The following OR52K2 variants were observed in gnomAD, a reference collection of about 807,000 sequenced individuals.
OR52K2 encodes the protein olfactory receptor family 52 subfamily K member 2, also known as olfactory receptor 52K2.
In OR52K2, 10 loss-of-function variants were observed where a neutral mutation model predicts 11.4. The ratio of observed to expected loss-of-function variants is 0.88; its 90% CI spans 0.54 to 1.49. OR52K2 has a LOEUF of 1.49. Among genes scored for constraint, OR52K2 ranks in the 40% most tolerant of loss-of-function variants. The pLI, the probability that OR52K2 is intolerant of heterozygous loss-of-function variation, is 0.00. For synonymous variants in OR52K2, 199 were observed against 151.9 expected (o/e 1.31, Z -2.28); for missense variants, 465 against 393.3 (o/e 1.18, Z -1.54).
Position 4,449,898 on chromosome 11 carries a change from G to A in OR52K2, c.559G>A (p.Val187Met), listed in dbSNP as rs1846069463. Reference sequence around the variant, plus strand: ...CTGCTACTGTGAACACATGGCTGTGGTGAGGCTGGCGTGTGGGGACACTAG... The same window carrying A: ...CTGCTACTGTGAACACATGGCTGTGATGAGGCTGGCGTGTGGGGACACTAG... ...AHCYCEHMAVVRLACGDTSFN... is the reference protein window; with the variant it reads ...AHCYCEHMAVMRLACGDTSFN... Residue 187 changes from valine to methionine, a missense_variant, in exon 1 of 1, where the codon GTG becomes ATG. Val to Met is a conservative substitution (Grantham distance 21, BLOSUM62 1). Coordinates refer to ENST00000325719, the MANE Select transcript of OR52K2 (RefSeq NM_001005172.2). The A allele has an allele frequency of 6.2e-7, 1 of 1,614,178 alleles. No individual in the cohort carries two copies. Among genetic ancestry groups the A allele is most frequent in the Non-Finnish European group, 8.5e-7 (1 of 1,180,034 alleles).
At position 4,449,946 on chromosome 11, in the gene OR52K2, G is replaced by C. The variant is rs140780188; in HGVS notation, c.607G>C (p.Ala203Pro). 9.3e-6 allele frequency: 15 copies of C among 1,614,006 alleles called. No homozygotes were observed. The highest frequency in any genetic ancestry group is 1.2e-5 in the Non-Finnish European group (14 of 1,180,036). The stretch of plus-strand genomic sequence containing the variant: ...TAGCTTCAACAATATCTATGGCATC[G>C]CTGTGGCCATGTTTATTGTGGTGTT... ...DTSFNNIYGIAVAMFIVVLDL... is the reference protein window; with the variant it reads ...DTSFNNIYGIPVAMFIVVLDL... Residue 203 changes from alanine to proline, a missense_variant, in exon 1 of 1, where the codon GCT becomes CCT. Transcript: ENST00000325719.
rs765923313 is a variant in OR52K2 at position 4,449,614 on chromosome 11, G to A, written c.275G>A (p.Arg92Gln). Residue 92 changes from arginine to glutamine, a missense_variant, in exon 1 of 1, where the codon CGG becomes CAG. Arg to Gln is a conservative substitution (Grantham distance 43). Coordinates refer to ENST00000325719, the MANE Select transcript of OR52K2 (RefSeq NM_001005172.2). ...CTTGCCATATTCTGGTTCAGGGATCGGGAGATAAACTTCTTTGCCTGTCTG... is the reference window on the plus strand; with the variant it reads ...CTTGCCATATTCTGGTTCAGGGATCAGGAGATAAACTTCTTTGCCTGTCTG... ...KMLAIFWFRDREINFFACLAQ... is the reference protein window; with the variant it reads ...KMLAIFWFRDQEINFFACLAQ... The A allele has an allele frequency of 5.0e-5, 80 of 1,614,008 alleles. No individual in the cohort carries two copies. The highest frequency in any genetic ancestry group is 5.8e-5 in the Non-Finnish European group (69 of 1,180,012).
Position 4,449,638 on chromosome 11 carries a change from T to C in OR52K2, c.299T>C (p.Leu100Pro), listed in dbSNP as rs771426750. 23 of 1,614,098 alleles carry C rather than the reference T, an allele frequency of 1.4e-5. No individual in the cohort carries two copies. In the East Asian group the frequency reaches 4.2e-4, roughly 30 times the overall value. ...CGGGAGATAAACTTCTTTGCCTGTC[T>C]GGCCCAGATGTTCTTCCTTCACTCC... is the stretch of plus-strand genomic sequence containing the variant. ...RDREINFFAC[L>P]AQMFFLHSFS... The change falls in exon 1 of 1, where the codon CTG (leucine) becomes CCG (proline). Residue 100 changes from leucine to proline, a missense_variant. Coordinates refer to ENST00000325719, the MANE Select transcript of OR52K2 (RefSeq NM_001005172.2).
Position 4,450,073 on chromosome 11 carries a change from C to G in OR52K2, c.734C>G (p.Ser245Cys), listed in dbSNP as rs150935129. The G allele has an allele frequency of 1.2e-6, 2 of 1,614,122 alleles. No individual in the cohort carries two copies. The highest frequency in any genetic ancestry group is 1.7e-6 in the Non-Finnish European group (2 of 1,180,020). ...ARYKAFGTCVSHIGAILAFYT... is the reference protein window; with the variant it reads ...ARYKAFGTCVCHIGAILAFYT... ...TACAAGGCATTTGGGACATGTGTCT[C>G]TCATATAGGTGCCATCTTAGCCTTC... The change falls in exon 1 of 1, where the codon TCT becomes TGT. Residue 245 changes from serine (S) to cysteine (C), a missense_variant. Physicochemically the swap from Ser to Cys is moderately radical, Grantham distance 112 (BLOSUM62 -1). Transcript: ENST00000325719.
chr11:4,450,360 G>T lies in OR52K2; in HGVS notation c.*76G>T. The stretch of plus-strand genomic sequence containing the variant: ...AGGCTATGGTAGAATGTGCACGGCT[G>T]CCAGGATCTTCATGTTTAGTTTTTT... On this transcript the variant is annotated 3_prime_UTR_variant, in exon 1 of 1. Transcript: ENST00000325719. 6 of 1,027,582 alleles carry T rather than the reference G, an allele frequency of 5.8e-6. No individual in the cohort carries two copies. The highest frequency in any genetic ancestry group is 8.6e-6 in the Non-Finnish European group (6 of 696,398). 63.7% of individuals were successfully genotyped at this position (1,027,582 alleles called of 1,614,324 possible). A position where few individuals can be genotyped will look rare whatever the true frequency, so the allele number is the denominator to read the frequency against.
chr11:4,449,751 C>T lies in OR52K2; in HGVS notation c.412C>T (p.Leu138=). The T allele has an allele frequency of 6.2e-7, 1 of 1,614,180 alleles. No homozygotes were observed. Among genetic ancestry groups the T allele is most frequent in the Non-Finnish European group, 8.5e-7 (1 of 1,180,026 alleles). The change falls in exon 1 of 1, where the codon CTG becomes TTG. Residue 138 remains leucine (L), a synonymous_variant. Transcript: ENST00000325719. ...ICKPLHYTKV[L]TGSLITKIGM... is the part of the protein sequence containing the mutation. ...CAAGCCACTGCACTACACCAAGGTC[C>T]TGACTGGGTCCCTCATCACCAAGAT...
chr11:4,449,493 C>G lies in OR52K2; in HGVS notation c.154C>G (p.Gln52Glu), dbSNP rs773622546. The change falls in exon 1 of 1, where the codon CAG becomes GAG. Residue 52 changes from glutamine (Q) to glutamate (E), a missense_variant. Transcript: ENST00000325719. ...LGNCTLLLII[Q>E]ADAALHEPMY... ...AAACTGCACTCTCCTTCTCATCATCCAGGCTGATGCAGCCCTCCATGAACC... is the reference window on the plus strand; with the variant it reads ...AAACTGCACTCTCCTTCTCATCATCGAGGCTGATGCAGCCCTCCATGAACC... 3.7e-6 allele frequency: 6 copies of G among 1,612,086 alleles called. No homozygotes were observed. The East Asian group carries it at 1.3e-4, about 36-fold the overall frequency.
Position 4,449,468 on chromosome 11 carries a change from A to G in OR52K2, c.129A>G (p.Gly43=), listed in dbSNP as rs752591491. The G allele has an allele frequency of 6.2e-7, 1 of 1,607,130 alleles. No homozygotes were observed. The highest frequency in any genetic ancestry group is 1.3e-5 in the African/African-American group (1 of 74,900). ...TAGCATATACACTGGCCCTGCTTGG[A>G]AACTGCACTCTCCTTCTCATCATCC... is the stretch of plus-strand genomic sequence containing the variant. ...FCLAYTLALL[G]NCTLLLIIQA... is the part of the protein sequence containing the mutation. The change falls in exon 1 of 1, where the codon GGA becomes GGG. Residue 43 remains glycine (G), a synonymous_variant. Transcript: ENST00000325719.
At position 4,450,178 on chromosome 11, in the gene OR52K2, AT is replaced by A. The variant is rs1037437059; in HGVS notation, c.842del (p.Phe281SerfsTer12). ...CCTCATGTCCACATCCTCCTTGCCA[AT>A]TTCTATCTGCTCTTCCCACCCATGG... ...AAPHVHILLA[N>X]FYLLFPPMVN... On this transcript the variant is annotated frameshift_variant, in exon 1 of 1. Coordinates refer to ENST00000325719, the MANE Select transcript of OR52K2 (RefSeq NM_001005172.2). LOFTEE classifies it high-confidence loss of function. The A allele has an allele frequency of 2.5e-6, 4 of 1,613,720 alleles. No homozygotes were observed. The African/African-American group carries it at 4.0e-5, about 16-fold the overall frequency.
chr11:4,449,784 G>A lies in OR52K2; in HGVS notation c.445G>A (p.Ala149Thr), dbSNP rs1432902967. Residue 149 changes from alanine to threonine, a missense_variant, in exon 1 of 1, where the codon GCT becomes ACT. By Grantham distance (58) the Ala-to-Thr change is moderately conservative. Transcript: ENST00000325719. ...GTCCCTCATCACCAAGATTGGCATG[G>A]CTGCTGTGGCCCGGGCTGTGACACT... ...TGSLITKIGM[A>T]AVARAVTLMT... is the part of the protein sequence containing the mutation. 1.2e-6 allele frequency: 2 copies of A among 1,614,084 alleles called. No homozygotes were observed. Among genetic ancestry groups the A allele is most frequent in the African/African-American group, 1.3e-5 (1 of 75,000 alleles).
Position 4,449,299 on chromosome 11 carries a change from C to T in OR52K2, c.-41C>T, listed in dbSNP as rs1360776357. 4.7e-6 allele frequency: 6 copies of T among 1,273,552 alleles called. No individual in the cohort carries two copies. The highest frequency in any genetic ancestry group is 6.5e-6 in the Non-Finnish European group (6 of 923,490). The allele number at this position is 1,273,552 out of a possible 1,614,324, so 78.9% of individuals were successfully genotyped here. Reference sequence around the variant, plus strand: ...GATATTGAATATTCTCTGGAAGGGCCCTGTGGAAGCAGATAAGGAGGAAGA... The same window carrying T: ...GATATTGAATATTCTCTGGAAGGGCTCTGTGGAAGCAGATAAGGAGGAAGA... On this transcript the variant is annotated 5_prime_UTR_variant, in exon 1 of 1. Transcript: ENST00000325719.
Position 4,450,079 on chromosome 11 carries a change from T to C in OR52K2, c.740T>C (p.Ile247Thr). 1 of 1,614,180 alleles carries C rather than the reference T, an allele frequency of 6.2e-7. No homozygotes were observed. Among genetic ancestry groups the C allele is most frequent in the South Asian group, 1.1e-5 (1 of 91,080 alleles). ...GCATTTGGGACATGTGTCTCTCATATAGGTGCCATCTTAGCCTTCTACACA... is the reference window on the plus strand; with the variant it reads ...GCATTTGGGACATGTGTCTCTCATACAGGTGCCATCTTAGCCTTCTACACA... Reference protein sequence around the residue: ...YKAFGTCVSHIGAILAFYTTV... With the variant: ...YKAFGTCVSHTGAILAFYTTV... Residue 247 changes from isoleucine (I) to threonine (T), a missense_variant, in exon 1 of 1, where the codon ATA becomes ACA. Physicochemically the swap from Ile to Thr is moderately conservative, Grantham distance 89. Transcript: ENST00000325719.
chr11:4,449,640 G>A lies in OR52K2; in HGVS notation c.301G>A (p.Ala101Thr). The A allele has an allele frequency of 6.2e-7, 1 of 1,614,138 alleles. No individual in the cohort carries two copies. The highest frequency in any genetic ancestry group is 8.5e-7 in the Non-Finnish European group (1 of 1,180,016). ...DREINFFACL[A>T]QMFFLHSFSI... Reference sequence around the variant, plus strand: ...GGAGATAAACTTCTTTGCCTGTCTGGCCCAGATGTTCTTCCTTCACTCCTT... The same window carrying A: ...GGAGATAAACTTCTTTGCCTGTCTGACCCAGATGTTCTTCCTTCACTCCTT... The change falls in exon 1 of 1, where the codon GCC becomes ACC. Residue 101 changes from alanine (A) to threonine (T), a missense_variant. Coordinates refer to ENST00000325719, the MANE Select transcript of OR52K2 (RefSeq NM_001005172.2).
rs201367316 is a variant in OR52K2 at position 4,449,547 on chromosome 11, G to A, written c.208G>A (p.Ala70Thr). 5.6e-6 allele frequency: 9 copies of A among 1,614,126 alleles called. No individual in the cohort carries two copies. Among genetic ancestry groups the A allele is most frequent in the Non-Finnish European group, 7.6e-6 (9 of 1,180,012 alleles). The stretch of plus-strand genomic sequence containing the variant: ...GTACCTCTTTCTGGCCATGTTGGCA[G>A]CCATCGACCTGGTCCTTTCCTCCTC... ...PMYLFLAMLA[A>T]IDLVLSSSAL... The change falls in exon 1 of 1, where the codon GCC becomes ACC. Residue 70 changes from alanine to threonine, a missense_variant. By Grantham distance (58) the Ala-to-Thr change is moderately conservative. Coordinates refer to ENST00000325719, the MANE Select transcript of OR52K2 (RefSeq NM_001005172.2).
rs200992565 is a variant in OR52K2 at position 4,450,302 on chromosome 11, G to T, written c.*18G>T. On this transcript the variant is annotated 3_prime_UTR_variant, in exon 1 of 1. Transcript: ENST00000325719. ...ATATGTAGAGGGTGAGGTGGAGAAA[G>T]AATGGGTTGGCTTGTCTGCTGGAGT... is the stretch of plus-strand genomic sequence containing the variant. 1.3e-6 allele frequency: 2 copies of T among 1,558,612 alleles called. No homozygotes were observed. Among genetic ancestry groups the T allele is most frequent in the African/African-American group, 1.4e-5 (1 of 73,736 alleles).
Position 4,449,462 on chromosome 11 carries a change from G to A in OR52K2, c.123G>A (p.Leu41=). 2 of 1,604,710 alleles carry A rather than the reference G, an allele frequency of 1.2e-6. No individual in the cohort carries two copies. The highest frequency in any genetic ancestry group is 1.7e-6 in the Non-Finnish European group (2 of 1,175,060). ...TCTGCTTAGCATATACACTGGCCCT[G>A]CTTGGAAACTGCACTCTCCTTCTCA... ...IPFCLAYTLA[L]LGNCTLLLII... is the part of the protein sequence containing the mutation. Residue 41 remains leucine (L), a synonymous_variant, in exon 1 of 1, where the codon CTG becomes CTA. Coordinates refer to ENST00000325719, the MANE Select transcript of OR52K2 (RefSeq NM_001005172.2).
chr11:4,450,344 T>C lies in OR52K2; in HGVS notation c.*60T>C. On this transcript the variant is annotated 3_prime_UTR_variant, in exon 1 of 1. Transcript: ENST00000325719. ...TGCTGGAGTTGGAGACAGGCTATGG[T>C]AGAATGTGCACGGCTGCCAGGATCT... The C allele has an allele frequency of 4.2e-6, 5 of 1,202,032 alleles. No individual in the cohort carries two copies. Among genetic ancestry groups the C allele is most frequent in the Non-Finnish European group, 4.8e-6 (4 of 835,754 alleles). The allele number at this position is 1,202,032 out of a possible 1,614,324, so 74.5% of individuals were successfully genotyped here. A position where few individuals can be genotyped will look rare whatever the true frequency, so the allele number is the denominator to read the frequency against.
rs1183765115 is a variant in OR52K2 at position 4,450,015 on chromosome 11, G to A, written c.676G>A (p.Ala226Thr). The A allele has an allele frequency of 3.1e-6, 5 of 1,613,922 alleles. No homozygotes were observed. The South Asian group carries it at 3.3e-5, about 11-fold the overall frequency. The change falls in exon 1 of 1, where the codon GCA becomes ACA. Residue 226 changes from alanine (A) to threonine (T), a missense_variant. Physicochemically the swap from Ala to Thr is moderately conservative, Grantham distance 58. Transcript: ENST00000325719. Reference protein sequence around the residue: ...VILSYIFILQAVLLLASQEAR... With the variant: ...VILSYIFILQTVLLLASQEAR... Reference sequence around the variant, plus strand: ...CCTGTCTTATATCTTTATTCTTCAGGCAGTTCTACTGCTTGCCTCTCAGGA... The same window carrying A: ...CCTGTCTTATATCTTTATTCTTCAGACAGTTCTACTGCTTGCCTCTCAGGA...
At position 4,449,694 on chromosome 11, in the gene OR52K2, G is replaced by A. The variant is rs758168216; in HGVS notation, c.355G>A (p.Ala119Thr). 12 of 1,614,142 alleles carry A rather than the reference G, an allele frequency of 7.4e-6. No homozygotes were observed. The highest frequency in any genetic ancestry group is 1.0e-5 in the Non-Finnish European group (12 of 1,180,020). ...CATCATGGAGTCAGCAGTGCTGCTG[G>A]CCATGGCCTTTGACCGCTATGTGGC... ...FSIMESAVLL[A>T]MAFDRYVAIC... The change falls in exon 1 of 1, where the codon GCC becomes ACC. Residue 119 changes from alanine to threonine, a missense_variant. Ala to Thr is a moderately conservative substitution (Grantham distance 58, BLOSUM62 0). Transcript: ENST00000325719.
Sources: gnomAD v4.1 joint callset for allele counts on GRCh38, gnomAD v4.1.1 for gene constraint, MANE v1.5 for transcripts, NCBI Gene and HGNC (gene_info 2026-07-23, HGNC 2026-07-21) for gene names.